GPR37: variants seen among roughly 807,000 people sequenced by gnomAD.
GPR37 encodes G protein-coupled receptor 37, also known as prosaposin receptor GPR37.
A neutral mutation model predicts 43.6 loss-of-function variants in GPR37; 20 were observed. The observed-to-expected ratio is 0.46, with a 90% CI of 0.32 to 0.67. The LOEUF (loss-of-function observed/expected upper bound fraction) is 0.67, where lower values mean the gene tolerates loss of function less well. Among genes scored for constraint, GPR37 ranks in the 30% least tolerant of loss-of-function variants. GPR37 has a pLI of 0.03. For missense variants in GPR37, 724 were observed against 797.2 expected, an observed-to-expected ratio of 0.91 and a Z score of 1.11; for synonymous variants, 315 against 322.6, an observed-to-expected ratio of 0.98 and a Z score of 0.25.
Position 124,764,126 on chromosome 7 carries a change from C to A in GPR37, c.851G>T (p.Cys284Phe). The A allele has an allele frequency of 6.2e-7, 1 of 1,611,284 alleles. No individual in the cohort carries two copies. The highest frequency in any genetic ancestry group is 8.5e-7 in the Non-Finnish European group (1 of 1,178,432). ...TGIIGNLAVM[C>F]IVCHNYYMRS... is the part of the protein sequence containing the mutation. ...CATGTAGTAGTTGTGGCACACGATGCACATCACCGCCAGGTTGCCAATGAT... is the reference window on the plus strand; with the variant it reads ...CATGTAGTAGTTGTGGCACACGATGAACATCACCGCCAGGTTGCCAATGAT... Residue 284 changes from cysteine (C) to phenylalanine (F), a missense_variant, in exon 1 of 2, where the codon TGC becomes TTC. By Grantham distance (205) the Cys-to-Phe change is radical. Coordinates refer to ENST00000303921, the MANE Select transcript of GPR37 (RefSeq NM_005302.5). This position sits in a 1 kb window ranked among gnomAD's most constrained non-coding sequence, Gnocchi z 5.4.
In GPR37 at chr7:124,764,549, T is replaced by C. The variant is rs764771310; in HGVS notation, c.428A>G (p.Gln143Arg). The change falls in exon 1 of 2, where the codon CAG (glutamine) becomes CGG (arginine). Residue 143 changes from glutamine (Q) to arginine (R), a missense_variant. Gln to Arg is a conservative substitution (Grantham distance 43). Coordinates refer to ENST00000303921, the MANE Select transcript of GPR37 (RefSeq NM_005302.5). The surrounding 1 kb of genome is among the most constrained non-coding windows in gnomAD (Gnocchi z 5.4). ...CTCCTCTGAGATCTGAAGGAAGAGC[T>C]GGAGGGCCGTGGGGTTCCCTCTCCC... ...TLGRGNPTAL[Q>R]LFLQISEEEE... The C allele has an allele frequency of 6.2e-7, 1 of 1,613,482 alleles. No individual in the cohort carries two copies. Among genetic ancestry groups the C allele is most frequent in the Admixed American group, 1.7e-5 (1 of 60,024 alleles).
chr7:124,747,624 A>G (rs1024248812), intron 1 of GPR37, among the ~76,000 whole-genome samples: 1 of 152,134 alleles, frequency 6.6e-6, no homozygotes, highest in Admixed American at 6.6e-5. Context: ...AGCTAGTCCA[A>G]TCCCTTTTTA....
chr7:124,759,571 T>A (rs572471673), intron 1 of GPR37, among the ~76,000 whole-genome samples: 1 of 152,332 alleles, frequency 6.6e-6, no homozygotes, highest in East Asian at 1.9e-4. Context: ...TTTAAACTGA[T>A]GTGTCTAGGA....
rs150466939 is a variant in GPR37, at chr7:124,746,741, G to C, written c.1626C>G (p.Ser542=). The C allele has an allele frequency of 3.1e-6, 5 of 1,613,848 alleles. No individual in the cohort carries two copies. In the African/African-American group the frequency reaches 4.0e-5, roughly 13 times the overall value. The part of the protein sequence containing the change: ...IISQFLLFFK[S]CVTPVLLFCL... Reference sequence around the variant, plus strand: ...AGAAAAGGAGGACTGGGGTGACACAGGACTTAAAGAACAAAAGGAACTGGC... The same window carrying C: ...AGAAAAGGAGGACTGGGGTGACACACGACTTAAAGAACAAAAGGAACTGGC... Residue 542 remains serine (S), a synonymous_variant, in exon 2 of 2, where the codon TCC becomes TCG. Coordinates refer to ENST00000303921, the MANE Select transcript of GPR37 (RefSeq NM_005302.5).
At chr7:124,756,155 G>A (rs1209916839) in intron 1 of GPR37, among the ~76,000 whole-genome samples, 4 of 152,118 alleles carry the variant, frequency 2.6e-5, no homozygotes, top group South Asian at 4.2e-4. Flanking sequence ...ATGCTTTTCC[G>A]ATATAAAAAG....
chr7:124,761,967 G>A (rs1176764068), intron 1 of GPR37, among the ~76,000 whole-genome samples: 4 of 152,014 alleles, frequency 2.6e-5, no homozygotes, highest in African/African-American at 9.7e-5. Flanking sequence ...AAAAATAAAT[G>A]CTAGCACTAA....
intron 1 of GPR37, among the ~76,000 whole-genome samples, chr7:124,761,015 C>T (rs965429489): frequency 3.4e-4 from 52 of 151,882 alleles, no homozygotes; most frequent in African/African-American, 8.9e-4. Context: ...AAAAATTAGC[C>T]GGGTGTGGTG....
chr7:124,765,545 A>T lies in GPR37; in HGVS notation c.-569T>A, dbSNP rs1451814856. 4 of 152,372 alleles carry T rather than the reference A, an allele frequency of 2.6e-5. No individual in the cohort carries two copies. The highest frequency in any genetic ancestry group is 5.9e-5 in the Non-Finnish European group (4 of 68,146). 9.4% of individuals were successfully genotyped at this position (152,372 alleles called of 1,614,324 possible). On this transcript the variant is annotated 5_prime_UTR_variant, in exon 1 of 2. Transcript: ENST00000303921. ...TTGCAAACAGTCCGAAGCAGCGCTG[A>T]TGCGCCGGCGAAACTCTTGCCCCAC... is the stretch of plus-strand genomic sequence containing the variant.
At chr7:124,757,125 G>A (rs945560132) in intron 1 of GPR37, among the ~76,000 whole-genome samples, 5 of 152,064 alleles carry the variant, frequency 3.3e-5, no homozygotes, top group South Asian at 2.1e-4. Flanking sequence ...CCCTTTCCTC[G>A]ACTCCACAAT....
At chr7:124,763,047 T>C (rs1793868739) in intron 1 of GPR37, among the ~76,000 whole-genome samples, 1 of 152,152 alleles carries the variant, frequency 6.6e-6, no homozygotes, top group African/African-American at 2.4e-5. Context: ...CCTACCACAA[T>C]AGTGGGCCAG....
chr7:124,750,753 C>T (rs1793721228), intron 1 of GPR37, among the ~76,000 whole-genome samples: 1 of 152,138 alleles, frequency 6.6e-6, no homozygotes, highest in Non-Finnish European at 1.5e-5. Flanking sequence ...ATATCAGAAG[C>T]TGTGCTGCAC....
chr7:124,759,512 AGTTTT>A (rs1363320484), intron 1 of GPR37, among the ~76,000 whole-genome samples: 1 of 152,172 alleles, frequency 6.6e-6, no homozygotes, highest in Non-Finnish European at 1.5e-5. Flanking sequence ...TACATATACA[AGTTTT>A]GTTTTGAGTA....
At chr7:124,753,093 CTTAAG>C (rs1397572355) in intron 1 of GPR37, among the ~76,000 whole-genome samples, 1 of 151,766 alleles carries the variant, frequency 6.6e-6, no homozygotes, top group Non-Finnish European at 1.5e-5. Flanking sequence ...GGATGGGTTT[CTTAAG>C]TTTTCTCTTA....
Position 124,765,076 on chromosome 7 carries a change from T to C in GPR37, c.-100A>G. The C allele has an allele frequency of 1.8e-6, 2 of 1,135,246 alleles. No homozygotes were observed. The highest frequency in any genetic ancestry group is 2.4e-6 in the Non-Finnish European group (2 of 846,620). The allele number at this position is 1,135,246 out of a possible 1,614,324, so 70.3% of individuals were successfully genotyped here. On this transcript the variant is annotated 5_prime_UTR_variant, in exon 1 of 2. Coordinates refer to ENST00000303921, the MANE Select transcript of GPR37 (RefSeq NM_005302.5). ...TGAGAGTTAGGCACATGTCACATACTCACCCCCGCCCGGGTAGCGGGGAAC... is the reference window on the plus strand; with the variant it reads ...TGAGAGTTAGGCACATGTCACATACCCACCCCCGCCCGGGTAGCGGGGAAC...
At chr7:124,754,507 C>T (rs566537592) in intron 1 of GPR37, among the ~76,000 whole-genome samples, 5 of 121,354 alleles carry the variant, frequency 4.1e-5, no homozygotes, top group African/African-American at 1.6e-4. Context: ...AAAGAAAAAA[C>T]GAAACAGTGT....
At position 124,746,963 on chromosome 7, in the gene GPR37, T is replaced by A. The variant is rs746994292; in HGVS notation, c.1404A>T (p.Lys468Asn). 6.2e-7 allele frequency: 1 copy of A among 1,614,036 alleles called. No homozygotes were observed. Among genetic ancestry groups the A allele is most frequent in the African/African-American group, 1.3e-5 (1 of 75,038 alleles). Residue 468 changes from lysine (K) to asparagine (N), a missense_variant, in exon 2 of 2, where the codon AAA becomes AAT. This residue lies in a region of GPR37 where 342 missense variants were observed against 441.8 expected (regional missense o/e 0.77). Coordinates refer to ENST00000303921, the MANE Select transcript of GPR37 (RefSeq NM_005302.5). The part of the protein sequence containing the change: ...TITCSLVTAR[K>N]IRKAEKACTR... Reference sequence around the variant, plus strand: ...TACAGGCTTTCTCTGCTTTGCGGATTTTCCTCGCAGTCACTAGAGAGCAGG... The same window carrying A: ...TACAGGCTTTCTCTGCTTTGCGGATATTCCTCGCAGTCACTAGAGAGCAGG...
chr7:124,764,701 C>T lies in GPR37; in HGVS notation c.276G>A (p.Pro92=), dbSNP rs370030753. The change falls in exon 1 of 2, where the codon CCG becomes CCA. Residue 92 remains proline, a synonymous_variant. Coordinates refer to ENST00000303921, the MANE Select transcript of GPR37 (RefSeq NM_005302.5). This position sits in a 1 kb window ranked among gnomAD's most constrained non-coding sequence, Gnocchi z 5.4. Reference sequence around the variant, plus strand: ...CTCTGCCTGCAGCCGGGTCACGGCCCGGGGCCGCCGGCAGGTCCCAGGAGG... The same window carrying T: ...CTCTGCCTGCAGCCGGGTCACGGCCTGGGGCCGCCGGCAGGTCCCAGGAGG... ...AGPSWDLPAA[P]GRDPAAGRGA... The T allele has an allele frequency of 1.5e-5, 24 of 1,597,806 alleles. No individual in the cohort carries two copies. Among genetic ancestry groups the T allele is most frequent in the Non-Finnish European group, 1.7e-5 (20 of 1,173,876 alleles).
Position 124,764,130 on chromosome 7 carries a change from T to C in GPR37, c.847A>G (p.Met283Val), listed in dbSNP as rs1793883083. ...TAGTAGTTGTGGCACACGATGCACA[T>C]CACCGCCAGGTTGCCAATGATGCCG... ...GTGIIGNLAV[M>V]CIVCHNYYMR... is the part of the protein sequence containing the mutation. The change falls in exon 1 of 2, where the codon ATG becomes GTG. Residue 283 changes from methionine (M) to valine (V), a missense_variant. Transcript: ENST00000303921. The surrounding 1 kb of genome is among the most constrained non-coding windows in gnomAD (Gnocchi z 5.4). The C allele has an allele frequency of 1.2e-5, 19 of 1,611,028 alleles. No individual in the cohort carries two copies. Among genetic ancestry groups the C allele is most frequent in the Non-Finnish European group, 1.6e-5 (19 of 1,178,202 alleles).
At position 124,744,028 on chromosome 7, in the gene GPR37, T is replaced by C. The variant is rs1232302907; in HGVS notation, c.*2497A>G. ...ATGAGAAAACTTTGAAATCACTTTA[T>C]ACTTGGGACAATTTGAGTTATCAAA... On this transcript the variant is annotated 3_prime_UTR_variant, in exon 2 of 2. Transcript: ENST00000303921. The C allele has an allele frequency of 6.6e-6, 1 of 152,066 alleles. No individual in the cohort carries two copies. The highest frequency in any genetic ancestry group is 2.4e-5 in the African/African-American group (1 of 41,442). 9.4% of individuals were successfully genotyped at this position (152,066 alleles called of 1,614,324 possible).
Sources: allele counts gnomAD v4.1 joint callset (sites outside exome capture counted in the v4.1 genomes callset), GRCh38; gene constraint gnomAD v4.1.1; regional missense constraint gnomAD v4.1.1; non-coding constraint Gnocchi (gnomAD v3.1); transcripts MANE v1.5; gene names NCBI Gene and HGNC (gene_info 2026-07-23, HGNC 2026-07-21).